GRIA4: variants seen among roughly 807,000 people sequenced by gnomAD.
GRIA4 encodes glutamate ionotropic receptor AMPA type subunit 4.
A neutral mutation model predicts 104.0 loss-of-function variants in GRIA4; 34 were observed. The observed-to-expected ratio is 0.33, with a 90% confidence interval of 0.25 to 0.44. The LOEUF (loss-of-function observed/expected upper bound fraction) is 0.44. Among genes scored for constraint, GRIA4 ranks in the 20% least tolerant of loss-of-function variants. GRIA4 has a pLI of 1.00. For missense variants in GRIA4, 750 were observed against 1,096.5 expected, an observed-to-expected ratio of 0.68 and a Z score of 4.46; for synonymous variants, 386 against 381.9, an observed-to-expected ratio of 1.01 and a Z score of -0.13.
intron 3 of GRIA4, among the ~76,000 whole-genome samples, chr11:105,726,481 T>C (rs1220624261): frequency 1.3e-5 from 2 of 152,142 alleles, no homozygotes; most frequent in African/African-American, 4.8e-5. Flanking sequence ...CAAACTTAAA[T>C]GTTCCCACCT....
At chr11:105,648,195 G>C (rs933660949) in intron 3 of GRIA4, among the ~76,000 whole-genome samples, 5 of 151,758 alleles carry the variant, frequency 3.3e-5, no homozygotes, top group Admixed American at 6.6e-5. Context: ...AGTCGATATA[G>C]TGAGATAAAT....
chr11:105,790,691 T>C (rs1174891061), intron 4 of GRIA4, among the ~76,000 whole-genome samples: 1 of 152,184 alleles, frequency 6.6e-6, no homozygotes, highest in African/African-American at 2.4e-5. Context: ...ATGGAAGTCT[T>C]AGCACAGGTT....
At position 105,979,510 on chromosome 11, in the gene GRIA4, T is replaced by C. The variant is rs562775662; in HGVS notation, c.2545-65T>C. ...ATTTCGGTGTTTGTTGTGGAACATA[T>C]TGTTGAAGAAACAGAAATATGGTAA... is the stretch of plus-strand genomic sequence containing the variant. On this transcript the variant is annotated intron_variant, in intron 16 of 16. Transcript: ENST00000282499. 1.8e-5 allele frequency: 25 copies of C among 1,364,108 alleles called. 1 individual carries two copies. In the South Asian group the frequency reaches 2.9e-4, roughly 16 times the overall value. The allele number at this position is 1,364,108 out of a possible 1,614,324, so 84.5% of individuals were successfully genotyped here.
chr11:105,905,264 T>C lies in GRIA4; in HGVS notation c.1121T>C (p.Met374Thr). ...TATGGACGTAGAGTCAATTACACAA[T>C]GGATGTGTTTGAGCTGAAAAGCACA... The part of the protein sequence containing the change: ...DHYGRRVNYT[M>T]DVFELKSTGP... The change falls in exon 9 of 17, where the codon ATG (methionine) becomes ACG (threonine). Residue 374 changes from methionine (M) to threonine (T), a missense_variant. By Grantham distance (81) the Met-to-Thr change is moderately conservative. Around this residue, in one of 3 missense-constraint regions of GRIA4, gnomAD observed 410 missense variants for 502.7 expected, o/e 0.82. Transcript: ENST00000282499. 1 of 1,604,236 alleles carries C rather than the reference T, an allele frequency of 6.2e-7. No homozygotes were observed. Among genetic ancestry groups the C allele is most frequent in the Non-Finnish European group, 8.5e-7 (1 of 1,171,140 alleles).
intron 3 of GRIA4, among the ~76,000 whole-genome samples, chr11:105,638,711 C>G (rs1337982498): frequency 6.6e-6 from 1 of 152,030 alleles, no homozygotes; most frequent in Admixed American, 6.6e-5. Context: ...TAGTTTTTTA[C>G]AATTTTGCCT....
At position 105,981,637 on chromosome 11, in the gene GRIA4, C is replaced by T; in HGVS notation, c.*1898C>T. 1 of 150,298 alleles carries T rather than the reference C, an allele frequency of 6.7e-6. No homozygotes were observed. The highest frequency in any genetic ancestry group is 1.5e-5 in the Non-Finnish European group (1 of 68,070). The allele number at this position is 150,298 out of a possible 1,614,324, so 9.3% of individuals were successfully genotyped here. ...AAGCTCTTGAGAAGATCACATGAGCCCCTTCATGACCTGGCGCTTGCTTAT... is the reference window on the plus strand; with the variant it reads ...AAGCTCTTGAGAAGATCACATGAGCTCCTTCATGACCTGGCGCTTGCTTAT... On this transcript the variant is annotated 3_prime_UTR_variant, in exon 17 of 17. Transcript: ENST00000282499.
At chr11:105,724,215 A>G (rs922651326) in intron 3 of GRIA4, among the ~76,000 whole-genome samples, 1 of 152,082 alleles carries the variant, frequency 6.6e-6, no homozygotes, top group African/African-American at 2.4e-5. Context: ...CATTATATAA[A>G]TGATATGCAC....
At chr11:105,911,930 C>A in intron 10 of GRIA4, 1 of 1,552,022 alleles carries the variant, frequency 6.4e-7, no homozygotes, top group Non-Finnish European at 8.8e-7. Flanking sequence ...AAGAGTTCCG[C>A]GCTGTTCGAC....
At chr11:105,910,866 C>A (rs1171862248) in intron 10 of GRIA4, among the ~76,000 whole-genome samples, 1 of 152,084 alleles carries the variant, frequency 6.6e-6, no homozygotes, top group Non-Finnish European at 1.5e-5. Context: ...TGCCAAAGGT[C>A]AACCACCAAT....
intron 3 of GRIA4, among the ~76,000 whole-genome samples, chr11:105,637,715 T>C (rs1293770316): frequency 6.6e-6 from 1 of 152,184 alleles, no homozygotes; most frequent in Non-Finnish European, 1.5e-5. Context: ...GCCAGGAGAA[T>C]ATGGCAGTGC....
Position 105,670,459 on chromosome 11 carries a change from C to A in GRIA4, c.247+58025C>A, listed in dbSNP as rs73627657. On this transcript the variant is annotated intron_variant, in intron 3 of 16. Transcript: ENST00000282499. ...TAAATGCAGAAGTGTTTGTCTAATA[C>A]CACAGCTAAGAAGTGGTAGATGATC... 8.4e-3 allele frequency among the ~76,000 whole-genome samples: 1,278 copies of A among 152,214 alleles called. 19 individuals carry two copies. The highest frequency in any genetic ancestry group is 0.029 in the African/African-American group (1,222 of 41,552).
intron 4 of GRIA4, among the ~76,000 whole-genome samples, chr11:105,806,236 A>C (rs547961791): frequency 4.6e-5 from 7 of 151,992 alleles, no homozygotes; most frequent in African/African-American, 1.7e-4. Flanking sequence ...TCATATCCCC[A>C]CATAATGGGA....
At chr11:105,832,556 A>G (rs1162957893) in intron 4 of GRIA4, among the ~76,000 whole-genome samples, 1 of 151,928 alleles carries the variant, frequency 6.6e-6, no homozygotes. Context: ...TTTACAGATG[A>G]GCAAACTGAA....
intron 4 of GRIA4, among the ~76,000 whole-genome samples, chr11:105,813,513 T>C (rs917160275): frequency 2.0e-5 from 3 of 152,176 alleles, no homozygotes; most frequent in African/African-American, 4.8e-5. Flanking sequence ...TGAAGAAACA[T>C]GGTGTTGGGA....
intron 5 of GRIA4, among the ~76,000 whole-genome samples, chr11:105,866,108 C>G (rs944378952): frequency 6.6e-6 from 1 of 152,150 alleles, no homozygotes; most frequent in African/African-American, 2.4e-5. Context: ...TTTTCATTCT[C>G]TGAGAGATGG....
intron 3 of GRIA4, among the ~76,000 whole-genome samples, chr11:105,695,697 A>C (rs1475502299): frequency 6.6e-6 from 1 of 152,044 alleles, no homozygotes; most frequent in Non-Finnish European, 1.5e-5. Flanking sequence ...ATATAGTTAT[A>C]TTTATTTTTG....
At chr11:105,826,696 A>G (rs1162008192) in intron 4 of GRIA4, among the ~76,000 whole-genome samples, 1 of 152,084 alleles carries the variant, frequency 6.6e-6, no homozygotes, top group Non-Finnish European at 1.5e-5. Flanking sequence ...TTTCTCACTC[A>G]GCGAGGGTTT....
intron 3 of GRIA4, among the ~76,000 whole-genome samples, chr11:105,644,690 G>A (rs1639304683): frequency 6.6e-6 from 1 of 151,952 alleles, no homozygotes; most frequent in South Asian, 2.1e-4. Context: ...AGTTGAAAAG[G>A]GATTGCTAGG....
intron 4 of GRIA4, among the ~76,000 whole-genome samples, chr11:105,812,880 T>C (rs944994393): frequency 2.2e-4 from 34 of 151,962 alleles, no homozygotes; most frequent in African/African-American, 7.7e-4. Flanking sequence ...GGCGGGCGGA[T>C]CACGAGGTCA....
Sources: gnomAD v4.1 joint callset for allele counts (sites outside exome capture counted in the v4.1 genomes callset) on GRCh38, gnomAD v4.1.1 for gene constraint, gnomAD v4.1.1 regional missense constraint, MANE v1.5 for transcripts, NCBI Gene and HGNC (gene_info 2026-07-23, HGNC 2026-07-21) for gene names.